MPP3: variants seen among roughly 807,000 people sequenced by gnomAD.
The protein encoded by MPP3 is MAGUK p55 scaffold protein 3.
Under a neutral mutation model 80.7 loss-of-function variants are expected in MPP3, and 48 were observed. The ratio of observed to expected loss-of-function variants is 0.59; its 90% CI spans 0.47 to 0.76. The LOEUF (loss-of-function observed/expected upper bound fraction) is 0.76, where lower values mean the gene tolerates loss of function less well. Among genes scored for constraint, MPP3 ranks in the 30% least tolerant of loss-of-function variants. MPP3 has a pLI of 0.00. For synonymous variants in MPP3, 311 were observed against 297.6 expected (o/e 1.04, Z -0.46); for missense variants, 620 against 763.0 (o/e 0.81, Z 2.21).
chr17:43,813,550 C>G (rs1053623898), intron 16 of MPP3, among the ~76,000 whole-genome samples: 2 of 152,104 alleles, frequency 1.3e-5, no homozygotes, highest in African/African-American at 4.8e-5. Context: ...AGGAATGTAC[C>G]CAGCTACCCT....
chr17:43,831,927 A>G lies in MPP3; in HGVS notation c.-21T>C. 1 of 1,611,990 alleles carries G rather than the reference A, an allele frequency of 6.2e-7. No homozygotes were observed. Among genetic ancestry groups the G allele is most frequent in the Admixed American group, 1.7e-5 (1 of 59,438 alleles). On this transcript the variant is annotated 5_prime_UTR_variant, in exon 3 of 20. Coordinates refer to ENST00000398389, the MANE Select transcript of MPP3 (RefSeq NM_001932.6). ...GGCATGCTGGCGTTGTCACCTCCCG[A>G]CCTCTCCCTGCAGATTCTGGGAGAA...
In MPP3 at chr17:43,830,088, G is replaced by A. The variant is rs549001415; in HGVS notation, c.242C>T (p.Ala81Val). The change falls in exon 6 of 20, where the codon GCC becomes GTC. Residue 81 changes from alanine (A) to valine (V), a missense_variant. Physicochemically the swap from Ala to Val is moderately conservative, Grantham distance 64. Coordinates refer to ENST00000398389, the MANE Select transcript of MPP3 (RefSeq NM_001932.6). ...LAEDVMEELQ[A>V]ASVHSDEREL... ...CCTCTCATCACTGTGCACGGAGGCGGCCTGCAACTCCTCCATCACCTGCAG... is the reference window on the plus strand; with the variant it reads ...CCTCTCATCACTGTGCACGGAGGCGACCTGCAACTCCTCCATCACCTGCAG... The A allele has an allele frequency of 2.0e-5, 31 of 1,549,224 alleles. No homozygotes were observed. The East Asian group carries it at 6.6e-4, about 33-fold the overall frequency.
chr17:43,814,273 C>T lies in MPP3; in HGVS notation c.1098G>A (p.Pro366=), dbSNP rs371892203. Residue 366 remains proline (P), a synonymous_variant, in exon 15 of 20, where the codon CCG becomes CCA. Coordinates refer to ENST00000398389, the MANE Select transcript of MPP3 (RefSeq NM_001932.6). ...EGKMSSGAES[P]ELLTYEEVAR... ...CCACCTCTTCGTAAGTCAGCAGCTC[C>T]GGAGACTCAGCTCCGGAGGACATCT... The T allele has an allele frequency of 3.5e-5, 56 of 1,613,066 alleles. No individual in the cohort carries two copies. Among genetic ancestry groups the T allele is most frequent in the Non-Finnish European group, 4.4e-5 (52 of 1,179,998 alleles).
intron 5 of MPP3, among the ~76,000 whole-genome samples, chr17:43,830,826 G>A (rs988330249): frequency 6.6e-6 from 1 of 152,246 alleles, no homozygotes; most frequent in Non-Finnish European, 1.5e-5. Flanking sequence ...TTTAAAAAAT[G>A]AGAAGCCTGA....
chr17:43,811,936 T>G (rs2044881837), intron 16 of MPP3, among the ~76,000 whole-genome samples: 1 of 152,224 alleles, frequency 6.6e-6, no homozygotes, highest in Admixed American at 6.5e-5. Flanking sequence ...CCCCTAGTCC[T>G]AACTTTTAAT....
chr17:43,805,711 C>T (rs2044588411), intron 19 of MPP3, among the ~76,000 whole-genome samples: 1 of 152,098 alleles, frequency 6.6e-6, no homozygotes, highest in Non-Finnish European at 1.5e-5. Context: ...TTGCATGAAT[C>T]CATTTATATG....
chr17:43,827,199 A>G (rs535939197), intron 8 of MPP3, among the ~76,000 whole-genome samples: 1 of 151,806 alleles, frequency 6.6e-6, no homozygotes, highest in South Asian at 2.1e-4. Context: ...TATTTTTAGT[A>G]GAGATGGGGT....
intron 6 of MPP3, 117 bp downstream of exon 6, chr17:43,829,910 A>G (rs1483335774): frequency 1.3e-6 from 2 of 1,553,184 alleles, no homozygotes; most frequent in African/African-American, 2.7e-5. Flanking sequence ...CTGCCCAGAC[A>G]CTAGTGCTGA....
chr17:43,808,973 C>T lies in MPP3; in HGVS notation c.1564G>A (p.Asp522Asn). ...KTPPMSPACEDTAAPFDEQQQ... is the reference protein window; with the variant it reads ...KTPPMSPACENTAAPFDEQQQ... ...AAACTTACAAATGGGGCTGCTGTGT[C>T]CTCACAAGCTGGGGACATAGGTGGC... is the stretch of plus-strand genomic sequence containing the variant. Residue 522 changes from aspartate (D) to asparagine (N), a missense_variant, in exon 19 of 20, where the codon GAC (aspartate) becomes AAC (asparagine). By Grantham distance (23) the Asp-to-Asn change is conservative. Coordinates refer to ENST00000398389, the MANE Select transcript of MPP3 (RefSeq NM_001932.6). 1 of 1,606,442 alleles carries T rather than the reference C, an allele frequency of 6.2e-7. No homozygotes were observed. Among genetic ancestry groups the T allele is most frequent in the Non-Finnish European group, 8.5e-7 (1 of 1,178,240 alleles).
At position 43,801,059 on chromosome 17, in the gene MPP3, C is replaced by T. The variant is rs1369479899; in HGVS notation, c.*642G>A. 1.3e-5 allele frequency: 2 copies of T among 152,214 alleles called. No homozygotes were observed. Among genetic ancestry groups the T allele is most frequent in the Non-Finnish European group, 2.9e-5 (2 of 68,078 alleles). 9.4% of individuals were successfully genotyped at this position (152,214 alleles called of 1,614,324 possible). On this transcript the variant is annotated 3_prime_UTR_variant, in exon 20 of 20. Coordinates refer to ENST00000398389, the MANE Select transcript of MPP3 (RefSeq NM_001932.6). ...GGGTATTTAGAAAGGGGAAAGGCAA[C>T]CTTACATTCCTCGAGTCCCTGAAGG...
At chr17:43,806,446 G>T (rs191317874) in intron 19 of MPP3, among the ~76,000 whole-genome samples, 1 of 152,076 alleles carries the variant, frequency 6.6e-6, no homozygotes, top group Non-Finnish European at 1.5e-5. Flanking sequence ...GATTACAGGC[G>T]TGAGCCACCA....
At chr17:43,822,931 G>A (rs112147691) in intron 10 of MPP3, among the ~76,000 whole-genome samples, 6,783 of 152,122 alleles carry the variant, frequency 0.045, 486 homozygotes, top group African/African-American at 0.15. Flanking sequence ...TATATAGATC[G>A]CCCAGCTCCC....
intron 16 of MPP3, 149 bp downstream of exon 16, chr17:43,813,862 G>T: frequency 1.5e-6 from 1 of 672,266 alleles, no homozygotes; most frequent in Non-Finnish European, 2.5e-6. Context: ...TTCCCATCAT[G>T]CCTTTGTCCC....
In MPP3 at chr17:43,826,389, A is replaced by G. The variant is rs80066377; in HGVS notation, c.524-548T>C. Among the ~76,000 whole-genome samples the G allele has an allele frequency of 1.8e-4, 28 of 152,340 alleles. No individual in the cohort carries two copies. In the East Asian group the frequency reaches 3.5e-3, roughly 19 times the overall value. On this transcript the variant is annotated intron_variant, in intron 8 of 19. Transcript: ENST00000398389. ...GCCCGGCTGCATCAGCATCACCTGG[A>G]GGCAGGTTAAAAGTGCAGAATCTTC...
intron 16 of MPP3, among the ~76,000 whole-genome samples, chr17:43,813,466 C>T (rs1299618166): frequency 6.6e-6 from 1 of 152,132 alleles, no homozygotes; most frequent in Non-Finnish European, 1.5e-5. Flanking sequence ...GGATCCTCTG[C>T]CCACTGGAGC....
chr17:43,802,418 C>A (rs530742881), intron 19 of MPP3, among the ~76,000 whole-genome samples: 102 of 152,344 alleles, frequency 6.7e-4, no homozygotes, highest in African/African-American at 2.4e-3. Flanking sequence ...CAATTCACTT[C>A]CTCACACCAG....
chr17:43,827,788 C>A lies in MPP3; in HGVS notation c.486G>T (p.Val162=). The part of the protein sequence containing the change: ...RRDEHSGAVV[V]ARIMRGGAAD... ...CTGCGCCTCCTCGCATGATCCTGGC[C>A]ACCACAACAGCCCCTGAGTGCTCGT... Residue 162 remains valine, a synonymous_variant, in exon 8 of 20, where the codon GTG becomes GTT. Coordinates refer to ENST00000398389, the MANE Select transcript of MPP3 (RefSeq NM_001932.6). The A allele has an allele frequency of 1.2e-6, 2 of 1,613,004 alleles. No homozygotes were observed. Among genetic ancestry groups the A allele is most frequent in the Admixed American group, 3.3e-5 (2 of 60,026 alleles).
chr17:43,805,527 T>G (rs564574095), intron 19 of MPP3, among the ~76,000 whole-genome samples: 5 of 152,204 alleles, frequency 3.3e-5, no homozygotes, highest in Admixed American at 3.3e-4. Context: ...TCATAATAGC[T>G]GAAAAGGTAG....
intron 14 of MPP3, among the ~76,000 whole-genome samples, chr17:43,815,416 T>C (rs527354197): frequency 5.2e-4 from 79 of 152,186 alleles, no homozygotes; most frequent in Admixed American, 5.9e-4. Flanking sequence ...CTGGGCAACA[T>C]AGCGAGACCC....
Sources: allele counts gnomAD v4.1 joint callset (sites outside exome capture counted in the v4.1 genomes callset), GRCh38; gene constraint gnomAD v4.1.1; transcripts MANE v1.5; gene names NCBI Gene and HGNC (gene_info 2026-07-23, HGNC 2026-07-21).